Variants in MBNL3 observed in about 807,000 individuals in gnomAD.
The protein encoded by MBNL3 is muscleblind-like protein 3.
Under a neutral mutation model 24.5 loss-of-function variants are expected in MBNL3, and 6 were observed. The observed-to-expected ratio is 0.25, with a 90% CI of 0.13 to 0.48. The LOEUF is 0.48. MBNL3 is among the 20% of genes least tolerant of loss of function. The probability of loss-of-function intolerance (pLI) is 0.99; values close to 1 mark genes in which losing one functional copy is unlikely to be tolerated. For synonymous variants in MBNL3, 100 were observed against 101.7 expected (o/e 0.98, Z 0.10); for missense variants, 230 against 293.5 (o/e 0.78, Z 1.58).
At chrX:132,455,081 A>G (rs766790680) in intron 1 of MBNL3, among the ~76,000 whole-genome samples, 1 of 112,083 alleles carries the variant, frequency 8.9e-6, no homozygotes, top group African/African-American at 3.2e-5. Context: ...TGTTAACACT[A>G]AAGAAAGTTG....
intron 2 of MBNL3, chrX:132,411,068 A>G (rs915642934): frequency 4.4e-6 from 3 of 687,030 alleles, no homozygotes; most frequent in Admixed American, 1.8e-4. Flanking sequence ...ATTTAGAGGG[A>G]AAAGTCTTTA....
intron 1 of MBNL3, among the ~76,000 whole-genome samples, chrX:132,481,735 C>A (rs1947749945): frequency 9.0e-6 from 1 of 111,650 alleles, no homozygotes; most frequent in East Asian, 2.8e-4. Flanking sequence ...TAGGACACAT[C>A]TTTCTAGCCT....
At chrX:132,489,661 G>A (rs1948190428), upstream of MBNL3, among the ~76,000 whole-genome samples, 2 of 107,436 alleles carry the variant, frequency 1.9e-5, no homozygotes, top group African/African-American at 6.7e-5. Flanking sequence ...CGCCAGCGAG[G>A]GGCTTTAGGC....
chrX:132,405,710 T>C (rs973095976), intron 3 of MBNL3, among the ~76,000 whole-genome samples: 3 of 109,461 alleles, frequency 2.7e-5, no homozygotes, highest in African/African-American at 1.0e-4. Flanking sequence ...CCATGTCTAC[T>C]AAAAATACAC....
At position 132,379,546 on chromosome X, in the gene MBNL3, A is replaced by G. The variant is rs966743369; in HGVS notation, c.*120T>C. On this transcript the variant is annotated 3_prime_UTR_variant, in exon 9 of 9. Transcript: ENST00000370853. ...GCTGGCTGGCAGGTTTGCTTTGCTTAATACATTGACTGCAACACGCTTATT... is the reference window on the plus strand; with the variant it reads ...GCTGGCTGGCAGGTTTGCTTTGCTTGATACATTGACTGCAACACGCTTATT... 1.3e-6 allele frequency: 1 copy of G among 744,801 alleles called. No homozygotes were observed. Among genetic ancestry groups the G allele is most frequent in the African/African-American group, 2.2e-5 (1 of 45,132 alleles). 61.4% of individuals were successfully genotyped at this position (744,801 alleles called of 1,213,427 possible).
chrX:132,395,145 T>G (rs1937867640), intron 3 of MBNL3, among the ~76,000 whole-genome samples: 1 of 111,604 alleles, frequency 9.0e-6, no homozygotes. Flanking sequence ...TGGACATTTC[T>G]GTTTTCTCAC....
intron 6 of MBNL3, among the ~76,000 whole-genome samples, chrX:132,385,740 C>T (rs750474747): frequency 9.0e-6 from 1 of 110,643 alleles, no homozygotes; most frequent in Non-Finnish European, 1.9e-5. Context: ...TTTATGGTAC[C>T]TTTCAAAATT....
At chrX:132,416,792 A>C (rs757771656) in intron 2 of MBNL3, among the ~76,000 whole-genome samples, 1 of 112,134 alleles carries the variant, frequency 8.9e-6, no homozygotes, top group South Asian at 3.7e-4. Context: ...GCATATGCCC[A>C]GGGAAAATTC....
rs985897546 is a variant in MBNL3 at position 132,376,013 on chromosome X, C to A, written c.*3653G>T. 6 of 111,835 alleles carry A rather than the reference C, an allele frequency of 5.4e-5. No homozygotes were observed. Among genetic ancestry groups the A allele is most frequent in the African/African-American group, 1.9e-4 (6 of 30,847 alleles). The allele number at this position is 111,835 out of a possible 1,213,427, so 9.2% of individuals were successfully genotyped here. A position where few individuals can be genotyped will look rare whatever the true frequency, so the allele number is the denominator to read the frequency against. On this transcript the variant is annotated 3_prime_UTR_variant, in exon 9 of 9. Transcript: ENST00000370853. The stretch of plus-strand genomic sequence containing the variant: ...TGCTACTTAAAACAGATTCAAGTTG[C>A]AAAGATTAATTTCATTCAGTTTCTG...
intron 2 of MBNL3, chrX:132,430,789 A>G (rs1186684356): frequency 8.9e-6 from 1 of 111,778 alleles, no homozygotes; most frequent in Admixed American, 9.4e-5. Flanking sequence ...TATTTATTTT[A>G]GAAACAGGGT....
At chrX:132,381,544 G>A (rs1314932884) in intron 8 of MBNL3, 2 of 404,734 alleles carry the variant, frequency 4.9e-6, no homozygotes, top group Non-Finnish European at 8.5e-6. Context: ...CTTTAATAAG[G>A]CAAAATGGCC....
At chrX:132,396,534 A>ATATATTCCTATATATTCC (rs1569424237) in intron 3 of MBNL3, among the ~76,000 whole-genome samples, 1 of 43,696 alleles carries the variant, frequency 2.3e-5, no homozygotes, top group African/African-American at 1.3e-4. Flanking sequence ...ATATATATTC[A>ATATATTCCTATATATTCC]TATATATATT....
chrX:132,448,114 G>A (rs1327923429), intron 1 of MBNL3, among the ~76,000 whole-genome samples: 1 of 111,996 alleles, frequency 8.9e-6, no homozygotes, highest in Non-Finnish European at 1.9e-5. Flanking sequence ...CTTGATCATG[G>A]TGGATAAGCT....
chrX:132,451,949 G>A (rs1054659957), intron 1 of MBNL3, among the ~76,000 whole-genome samples: 37 of 111,649 alleles, frequency 3.3e-4, no homozygotes, highest in African/African-American at 1.2e-3. Flanking sequence ...TGTGCTTCCC[G>A]AGTGAGACAA....
Position 132,488,921 on chromosome X carries a change from G to C in MBNL3, c.-774C>G, listed in dbSNP as rs1331319376. 8.8e-6 allele frequency: 1 copy of C among 113,858 alleles called. No individual in the cohort carries two copies. Among genetic ancestry groups the C allele is most frequent in the Non-Finnish European group, 1.9e-5 (1 of 53,606 alleles). The allele number at this position is 113,858 out of a possible 1,213,427, so 9.4% of individuals were successfully genotyped here. On this transcript the variant is annotated 5_prime_UTR_variant, in exon 1 of 9. Transcript: ENST00000370853. ...AGCGGCAGCAGCAGGGGCAGCGGCA[G>C]CGACAGCGGCACATGCCATCTGTTA...
At chrX:132,419,267 G>A (rs780904276) in intron 2 of MBNL3, among the ~76,000 whole-genome samples, 13 of 112,159 alleles carry the variant, frequency 1.2e-4, no homozygotes, top group African/African-American at 1.6e-4. Flanking sequence ...GCCATGACTT[G>A]ACAAAAGTAA....
intron 3 of MBNL3, among the ~76,000 whole-genome samples, chrX:132,396,382 A>C (rs187138150): frequency 0.077 from 6,063 of 78,715 alleles, 876 homozygotes; most frequent in African/African-American, 0.29. Context: ...ATATATATTC[A>C]TATATATATT....
At chrX:132,421,953 A>C (rs1943860725) in intron 2 of MBNL3, among the ~76,000 whole-genome samples, 1 of 112,115 alleles carries the variant, frequency 8.9e-6, no homozygotes, top group African/African-American at 3.2e-5. Context: ...ATTGTAGCGA[A>C]GTGATTTTAA....
At chrX:132,482,615 A>G in intron 1 of MBNL3, among the ~76,000 whole-genome samples, 1 of 112,380 alleles carries the variant, frequency 8.9e-6, no homozygotes, top group South Asian at 3.7e-4. Context: ...CCTCAAATTC[A>G]CAAACTGCCT....
Sources: allele counts gnomAD v4.1 joint callset (sites outside exome capture counted in the v4.1 genomes callset), GRCh38; gene constraint gnomAD v4.1.1; transcripts MANE v1.5; gene names NCBI Gene and HGNC (gene_info 2026-07-23, HGNC 2026-07-21).